NMT1: variants seen among roughly 807,000 people sequenced by gnomAD.
NMT1 encodes glycylpeptide N-tetradecanoyltransferase 1.
Under a neutral mutation model 63.4 loss-of-function variants are expected in NMT1, and 12 were observed. The observed-to-expected ratio is 0.19, with a 90% CI of 0.12 to 0.31. The LOEUF is 0.31. Ranked by LOEUF, NMT1 falls within the 10% of genes least tolerant of loss-of-function variation. The pLI is 1.00. For synonymous variants in NMT1, 228 were observed against 234.3 expected (o/e 0.97, Z 0.25); for missense variants, 432 against 634.6 (o/e 0.68, Z 3.43).
intron 1 of NMT1, among the ~76,000 whole-genome samples, chr17:45,080,257 T>C (rs1002439632): frequency 1.5e-4 from 22 of 151,628 alleles, no homozygotes; most frequent in Non-Finnish European, 2.8e-4. Flanking sequence ...GCCTCCTGGG[T>C]TCAAGCGATT....
intron 1 of NMT1, among the ~76,000 whole-genome samples, chr17:45,064,621 G>A (rs1364237415): frequency 6.6e-6 from 1 of 152,166 alleles, no homozygotes; most frequent in Non-Finnish European, 1.5e-5. Context: ...TCAGGAGTTT[G>A]AGACCAGCCT....
intron 1 of NMT1, among the ~76,000 whole-genome samples, chr17:45,068,092 A>G (rs779793548): frequency 2.6e-4 from 39 of 152,162 alleles, no homozygotes; most frequent in South Asian, 4.1e-4. Context: ...CTCTCTTCCA[A>G]TTCCTCAAAG....
chr17:45,073,591 C>T (rs2143464149), intron 1 of NMT1, among the ~76,000 whole-genome samples: 1 of 152,302 alleles, frequency 6.6e-6, no homozygotes, highest in African/African-American at 2.4e-5. Context: ...ACATGACTCA[C>T]TTTCCTCATT....
Position 45,097,274 on chromosome 17 carries a change from A to C in NMT1, c.713+30A>C, listed in dbSNP as rs753697403. 5.5e-6 allele frequency: 8 copies of C among 1,462,878 alleles called. No individual in the cohort carries two copies. The Admixed American group carries it at 1.0e-4, about 18-fold the overall frequency. 90.6% of individuals were successfully genotyped at this position (1,462,878 alleles called of 1,614,324 possible). A position where few individuals can be genotyped will look rare whatever the true frequency, so the allele number is the denominator to read the frequency against. ...GCACCTGCACCTACCCCCACCCCCC[A>C]CAACACCGCCATCCTGCTTGGTCTG... On this transcript the variant is annotated intron_variant, in intron 6 of 11. Coordinates refer to ENST00000258960, the MANE Select transcript of NMT1 (RefSeq NM_021079.5).
chr17:45,081,136 T>C (rs777459599), intron 1 of NMT1, among the ~76,000 whole-genome samples: 4 of 152,176 alleles, frequency 2.6e-5, no homozygotes, highest in Non-Finnish European at 5.9e-5. Flanking sequence ...GCCTTTTTCC[T>C]CATCCCTCAC....
chr17:45,065,879 C>CTT (rs34320617), intron 1 of NMT1, among the ~76,000 whole-genome samples: 2 of 140,008 alleles, frequency 1.4e-5, no homozygotes, highest in African/African-American at 2.6e-5. Context: ...TCTCCTGGGC[C>CTT]TTTTTTTTTT....
chr17:45,098,540 T>C lies in NMT1; in HGVS notation c.872T>C (p.Val291Ala). The change falls in exon 7 of 12, where the codon GTT (valine) becomes GCT (alanine). Residue 291 changes from valine to alanine, a missense_variant. Physicochemically the swap from Val to Ala is moderately conservative, Grantham distance 64. This residue lies in a region of NMT1 where 295 missense variants were observed against 489.7 expected (regional missense o/e 0.60). Transcript: ENST00000258960. ...YTAGVVLPKPVGTCRYWHRSL... is the reference protein window; with the variant it reads ...YTAGVVLPKPAGTCRYWHRSL... ...GCCGGGGTGGTACTACCAAAGCCCG[T>C]TGGCACCTGCAGGTAAAACTGTCTT... is the stretch of plus-strand genomic sequence containing the variant. The C allele has an allele frequency of 1.2e-6, 2 of 1,613,962 alleles. No individual in the cohort carries two copies. The highest frequency in any genetic ancestry group is 1.7e-6 in the Non-Finnish European group (2 of 1,179,942).
chr17:45,105,477 G>A lies in NMT1; in HGVS notation c.1471-142G>A, dbSNP rs1255660789. Reference sequence around the variant, plus strand: ...AACCCTGGTGTGGAGGTTGAGTGTGGGGCCGGCTGGGTGTGAGTCTGCTCC... The same window carrying A: ...AACCCTGGTGTGGAGGTTGAGTGTGAGGCCGGCTGGGTGTGAGTCTGCTCC... On this transcript the variant is annotated intron_variant, in intron 11 of 11. Transcript: ENST00000258960. The surrounding 1 kb of genome is among the most constrained non-coding windows in gnomAD (Gnocchi z 4.2). 1.2e-6 allele frequency: 1 copy of A among 858,890 alleles called. No individual in the cohort carries two copies. Among genetic ancestry groups the A allele is most frequent in the Non-Finnish European group, 1.9e-6 (1 of 522,106 alleles). 53.2% of individuals were successfully genotyped at this position (858,890 alleles called of 1,614,324 possible).
At position 45,097,272 on chromosome 17, in the gene NMT1, C is replaced by G. The variant is rs756395370; in HGVS notation, c.713+28C>G. ...AAGCACCTGCACCTACCCCCACCCC[C>G]CACAACACCGCCATCCTGCTTGGTC... On this transcript the variant is annotated intron_variant, in intron 6 of 11. Coordinates refer to ENST00000258960, the MANE Select transcript of NMT1 (RefSeq NM_021079.5). The G allele has an allele frequency of 8.0e-6, 12 of 1,492,290 alleles. No individual in the cohort carries two copies. In the East Asian group the frequency reaches 1.4e-4, roughly 17 times the overall value. The allele number at this position is 1,492,290 out of a possible 1,614,324, so 92.4% of individuals were successfully genotyped here.
chr17:45,068,834 A>G (rs1016291312), intron 1 of NMT1, among the ~76,000 whole-genome samples: 30 of 152,100 alleles, frequency 2.0e-4, no homozygotes, highest in African/African-American at 5.3e-4. Flanking sequence ...TTTAATAGAG[A>G]CACGGTTTTG....
chr17:45,105,012 C>G lies in NMT1; in HGVS notation c.1470+16C>G. 2 of 1,613,954 alleles carry G rather than the reference C, an allele frequency of 1.2e-6. No individual in the cohort carries two copies. The highest frequency in any genetic ancestry group is 1.7e-6 in the Non-Finnish European group (2 of 1,179,960). ...GGCAGAGAAGGTAGGCGACACATAG[C>G]CAGAGTCCAGGCTGCCCGGCCCAGG... is the stretch of plus-strand genomic sequence containing the variant. On this transcript the variant is annotated intron_variant, in intron 11 of 11. Transcript: ENST00000258960. This position sits in a 1 kb window ranked among gnomAD's most constrained non-coding sequence, Gnocchi z 4.2.
In NMT1 at chr17:45,084,953, A is replaced by G. The variant is rs1459761951; in HGVS notation, c.241-1555A>G. ...AATATATATCCCAGTGGGTAAAAAT[A>G]GATGTATAAGAAAATTTATGCTGGG... On this transcript the variant is annotated intron_variant, in intron 2 of 11. Coordinates refer to ENST00000258960, the MANE Select transcript of NMT1 (RefSeq NM_021079.5). Among the ~76,000 whole-genome samples the G allele has an allele frequency of 2.0e-5, 3 of 152,090 alleles. No homozygotes were observed. The South Asian group carries it at 6.2e-4, about 32-fold the overall frequency.
rs973343235 is a variant in NMT1, at chr17:45,061,367, C to A, written c.38C>A (p.Ala13Glu). 6.2e-7 allele frequency: 1 copy of A among 1,613,978 alleles called. No homozygotes were observed. The highest frequency in any genetic ancestry group is 1.3e-5 in the African/African-American group (1 of 75,056). The change falls in exon 1 of 12, where the codon GCA becomes GAA. Residue 13 changes from alanine to glutamate, a missense_variant. Coordinates refer to ENST00000258960, the MANE Select transcript of NMT1 (RefSeq NM_021079.5). ...DESETAVKPP[A>E]PPLPQMMEGN... is the part of the protein sequence containing the mutation. ...AGTGAGACAGCAGTGAAGCCGCCGG[C>A]ACCTCCGCTGCCGCAGATGATGGAA... is the stretch of plus-strand genomic sequence containing the variant.
At chr17:45,093,511 A>G (rs1034331952) in intron 3 of NMT1, 174 bp from the exon 4 acceptor site, 1 of 572,712 alleles carries the variant, frequency 1.7e-6, no homozygotes, top group South Asian at 2.1e-5. Flanking sequence ...ATTGGCCCTC[A>G]GTTAGGGGCT....
chr17:45,099,343 C>A, intron 7 of NMT1, 62 bp from the exon 8 acceptor site: 2 of 1,169,710 alleles, frequency 1.7e-6, no homozygotes, highest in Non-Finnish European at 2.6e-6. Context: ...GGTCTCCCTG[C>A]CATTGTCCTT....
intron 1 of NMT1, among the ~76,000 whole-genome samples, chr17:45,079,914 G>C (rs2054003828): frequency 6.6e-6 from 1 of 152,116 alleles, no homozygotes; most frequent in African/African-American, 2.4e-5. Context: ...TAGCCAGAAT[G>C]GTCTCAATCT....
chr17:45,066,770 A>G (rs1457230525), intron 1 of NMT1, among the ~76,000 whole-genome samples: 1 of 152,128 alleles, frequency 6.6e-6, no homozygotes, highest in Non-Finnish European at 1.5e-5. Context: ...GCTATAGTAC[A>G]GTGGTGTGAT....
At position 45,103,520 on chromosome 17, in the gene NMT1, G is replaced by C. The variant is rs541462331; in HGVS notation, c.1165-189G>C. ...AAGAGGTCTGGCAGGTTCAGCCCACGATCACGGCTCTGTCCTCAAGTGCCC... is the reference window on the plus strand; with the variant it reads ...AAGAGGTCTGGCAGGTTCAGCCCACCATCACGGCTCTGTCCTCAAGTGCCC... On this transcript the variant is annotated intron_variant, in intron 9 of 11. Coordinates refer to ENST00000258960, the MANE Select transcript of NMT1 (RefSeq NM_021079.5). The surrounding 1 kb of genome is among the most constrained non-coding windows in gnomAD (Gnocchi z 4.8). Among the ~76,000 whole-genome samples the C allele has an allele frequency of 6.6e-6, 1 of 152,100 alleles. No individual in the cohort carries two copies. The highest frequency in any genetic ancestry group is 1.5e-5 in the Non-Finnish European group (1 of 68,016).
chr17:45,099,330 TG>T, intron 7 of NMT1, 74 bp from the exon 8 acceptor site: 1 of 1,013,790 alleles, frequency 9.9e-7, no homozygotes, highest in Non-Finnish European at 1.6e-6. Flanking sequence ...GCTGGCCAGC[TG>T]GGGTCTCCCT....
Sources: gnomAD v4.1 joint callset for allele counts (sites outside exome capture counted in the v4.1 genomes callset) on GRCh38, gnomAD v4.1.1 for gene constraint, gnomAD v4.1.1 regional missense constraint, Gnocchi (gnomAD v3.1) non-coding constraint, MANE v1.5 for transcripts, NCBI Gene and HGNC (gene_info 2026-07-23, HGNC 2026-07-21) for gene names.